The following TSN variants were observed in gnomAD, a reference collection of about 807,000 sequenced individuals.
TSN encodes component 3 of promoter of RISC.
A neutral mutation model predicts 29.4 loss-of-function variants in TSN; 5 were observed. The observed-to-expected ratio is 0.17, with a 90% CI of 0.09 to 0.36. The LOEUF (loss-of-function observed/expected upper bound fraction) is 0.36. Among genes scored for constraint, TSN ranks in the 10% least tolerant of loss-of-function variants. TSN has a pLI of 1.00. For synonymous variants in TSN, 106 were observed against 102.2 expected (o/e 1.04, Z -0.23); for missense variants, 159 against 272.8 (o/e 0.58, Z 2.94).
In TSN at chr2:121,765,131, C is replaced by T; in HGVS notation, c.454-3C>T. ...AGCCCCTGTTTTCTCTTTCCTGGTA[C>T]AGTCGAGGCTGTCTGTCAACAGCGT... On this transcript the variant is annotated splice_polypyrimidine_tract_variant and splice_region_variant and intron_variant, in intron 5 of 5. Transcript: ENST00000389682. 8 of 1,613,926 alleles carry T rather than the reference C, an allele frequency of 5.0e-6. No homozygotes were observed. Among genetic ancestry groups the T allele is most frequent in the Non-Finnish European group, 5.1e-6 (6 of 1,179,832 alleles).
Position 121,757,315 on chromosome 2 carries a change from G to C in TSN, c.142G>C (p.Gly48Arg), listed in dbSNP as rs1259996891. 1.2e-5 allele frequency: 20 copies of C among 1,613,994 alleles called. No homozygotes were observed. Among genetic ancestry groups the C allele is most frequent in the Non-Finnish European group, 1.6e-5 (19 of 1,180,010 alleles). ...ILTLLQGVHQ[G>R]AGFQDIPKRC... ...AACTCTACTGCAAGGGGTCCATCAGGGTGCTGGGTTTCAGGACAGTAAGTT... is the reference window on the plus strand; with the variant it reads ...AACTCTACTGCAAGGGGTCCATCAGCGTGCTGGGTTTCAGGACAGTAAGTT... The change falls in exon 2 of 6, where the codon GGT becomes CGT. Residue 48 changes from glycine to arginine, a missense_variant. Coordinates refer to ENST00000389682, the MANE Select transcript of TSN (RefSeq NM_004622.3).
At chr2:121,760,724 G>A (rs1401407740) in intron 3 of TSN, among the ~76,000 whole-genome samples, 2 of 152,116 alleles carry the variant, frequency 1.3e-5, no homozygotes, top group East Asian at 1.9e-4. Flanking sequence ...GGAGGAATAC[G>A]TTGAGGATGA....
chr2:121,761,818 A>G (rs187244052), intron 4 of TSN, among the ~76,000 whole-genome samples: 1 of 144,256 alleles, frequency 6.9e-6, no homozygotes, highest in East Asian at 2.0e-4. Flanking sequence ...TATAAGTGCT[A>G]TGTAAATATT....
At position 121,765,341 on chromosome 2, in the gene TSN, A is replaced by G. The variant is rs771314729; in HGVS notation, c.661A>G (p.Thr221Ala). 10 of 1,614,160 alleles carry G rather than the reference A, an allele frequency of 6.2e-6. No individual in the cohort carries two copies. Among genetic ancestry groups the G allele is most frequent in the Middle Eastern group, 1.6e-4 (1 of 6,062 alleles). The change falls in exon 6 of 6, where the codon ACG (threonine) becomes GCG (alanine). Residue 221 changes from threonine (T) to alanine (A), a missense_variant. This residue lies in a region of TSN where 85 missense variants were observed against 178.1 expected (regional missense o/e 0.48). Transcript: ENST00000389682. ...DLSIRGFNKE[T>A]AAACVEK ...CTCCATCCGGGGCTTTAATAAGGAG[A>G]CGGCAGCAGCTTGTGTTGAAAAATA...
rs993034196 is a variant in TSN, at chr2:121,755,773, C to G, written c.-7C>G. 3.7e-6 allele frequency: 6 copies of G among 1,613,664 alleles called. No individual in the cohort carries two copies. Among genetic ancestry groups the G allele is most frequent in the Non-Finnish European group, 4.2e-6 (5 of 1,180,036 alleles). ...CTACACTGGCTGATTGTTGTGCAGCCGGCGCCATGTCTGTGAGCGAGATCT... is the reference window on the plus strand; with the variant it reads ...CTACACTGGCTGATTGTTGTGCAGCGGGCGCCATGTCTGTGAGCGAGATCT... On this transcript the variant is annotated 5_prime_UTR_variant, in exon 1 of 6. Transcript: ENST00000389682.
chr2:121,763,366 C>A (rs1048068907), intron 5 of TSN, among the ~76,000 whole-genome samples: 1 of 151,962 alleles, frequency 6.6e-6, no homozygotes, highest in Non-Finnish European at 1.5e-5. Context: ...AGGATGGTCT[C>A]GATCTCCTGA....
chr2:121,759,862 G>A (rs1395680989), intron 3 of TSN, among the ~76,000 whole-genome samples: 3 of 152,290 alleles, frequency 2.0e-5, no homozygotes, highest in Non-Finnish European at 2.9e-5. Context: ...GCCTCTGGGA[G>A]CTAAGAATTG....
intron 5 of TSN, 84 bp from the exon 6 acceptor site, chr2:121,765,050 G>A: frequency 7.6e-7 from 1 of 1,323,084 alleles, no homozygotes; most frequent in Non-Finnish European, 1.1e-6. Context: ...TAGGCTTGCG[G>A]TTCTTCTGGT....
Position 121,758,824 on chromosome 2 carries a change from C to T in TSN, c.257+18C>T, listed in dbSNP as rs2074782968. On this transcript the variant is annotated intron_variant, in intron 3 of 5. Transcript: ENST00000389682. ...TATTACAGGTTTGTAAGAAAAATAG[C>T]ATTATTTTATAATGTTAAGTAAAAA... 6.8e-7 allele frequency: 1 copy of T among 1,463,904 alleles called. No individual in the cohort carries two copies. Among genetic ancestry groups the T allele is most frequent in the Non-Finnish European group, 9.2e-7 (1 of 1,092,840 alleles). The allele number at this position is 1,463,904 out of a possible 1,614,324, so 90.7% of individuals were successfully genotyped here.
Position 121,766,151 on chromosome 2 carries a change from A to G in TSN, c.*784A>G, listed in dbSNP as rs939149137. The G allele has an allele frequency of 1.3e-5, 2 of 152,254 alleles. No individual in the cohort carries two copies. Among genetic ancestry groups the G allele is most frequent in the South Asian group, 2.1e-4 (1 of 4,832 alleles). 9.4% of individuals were successfully genotyped at this position (152,254 alleles called of 1,614,324 possible). On this transcript the variant is annotated 3_prime_UTR_variant, in exon 6 of 6. Transcript: ENST00000389682. ...ATTTGGAACTAACACGTGATGTGAT[A>G]TATTCCTAAACTATGAAACCTTTTT... is the stretch of plus-strand genomic sequence containing the variant.
intron 3 of TSN, 80 bp from the exon 4 acceptor site, chr2:121,761,329 C>T (rs1371771305): frequency 1.1e-6 from 1 of 909,506 alleles, no homozygotes; most frequent in Non-Finnish European, 1.8e-6. Flanking sequence ...CATTTCTAAA[C>T]CGTTTGAACA....
intron 5 of TSN, among the ~76,000 whole-genome samples, chr2:121,763,511 G>T (rs185858773): frequency 2.0e-5 from 3 of 152,002 alleles, no homozygotes; most frequent in South Asian, 4.1e-4. Flanking sequence ...GCCATCTCTC[G>T]GTCACCAGGT....
At chr2:121,757,427 G>T in intron 2 of TSN, 94 bp downstream of exon 2, 1 of 1,577,698 alleles carries the variant, frequency 6.3e-7, no homozygotes, top group Non-Finnish European at 8.6e-7. Context: ...TGGCTATCAT[G>T]CTTTATGGTG....
At chr2:121,756,701 T>C in intron 1 of TSN, 1 of 1,140,434 alleles carries the variant, frequency 8.8e-7, no homozygotes, top group Non-Finnish European at 1.2e-6. Context: ...GGTAAGGAGT[T>C]TGAGACCAGC....
chr2:121,765,354 G>A lies in TSN; in HGVS notation c.674G>A (p.Cys225Tyr), dbSNP rs1335620263. ...TTTAATAAGGAGACGGCAGCAGCTT[G>A]TGTTGAAAAATAGGAGGCTCTCCTT... ...RGFNKETAAACVEK is the reference protein window; with the variant it reads ...RGFNKETAAAYVEK The change falls in exon 6 of 6, where the codon TGT (cysteine) becomes TAT (tyrosine). Residue 225 changes from cysteine (C) to tyrosine (Y), a missense_variant. Physicochemically the swap from Cys to Tyr is radical, Grantham distance 194 (BLOSUM62 -2). Around this residue, in one of 3 missense-constraint regions of TSN, gnomAD observed 85 missense variants for 178.1 expected, o/e 0.48. Transcript: ENST00000389682. 30 of 1,614,152 alleles carry A rather than the reference G, an allele frequency of 1.9e-5. No individual in the cohort carries two copies. In the South Asian group the frequency reaches 2.3e-4, roughly 12 times the overall value.
At chr2:121,757,531 C>A (rs2074767663) in intron 2 of TSN, 198 bp downstream of exon 2, 2 of 1,036,120 alleles carry the variant, frequency 1.9e-6, no homozygotes, top group East Asian at 2.7e-5. Flanking sequence ...TTTTCTATTG[C>A]GAGGGCATTC....
chr2:121,763,150 T>G lies in TSN; in HGVS notation c.453+66T>G, dbSNP rs1428471243. 4.5e-6 allele frequency: 6 copies of G among 1,332,130 alleles called. No individual in the cohort carries two copies. The African/African-American group carries it at 6.2e-5, about 14-fold the overall frequency. The allele number at this position is 1,332,130 out of a possible 1,614,324, so 82.5% of individuals were successfully genotyped here. A position where few individuals can be genotyped will look rare whatever the true frequency, so the allele number is the denominator to read the frequency against. On this transcript the variant is annotated intron_variant, in intron 5 of 5. Transcript: ENST00000389682. ...GCTTCACTGTCAGTTTTTTTTTTTT[T>G]TTTTTTTTTTGAGACAGAGTCCCGC...
At chr2:121,757,823 CT>C (rs777022278) in intron 2 of TSN, among the ~76,000 whole-genome samples, 294 of 142,810 alleles carry the variant, frequency 2.1e-3, no homozygotes, top group Middle Eastern at 3.6e-3. Context: ...CGCCCAGCTA[CT>C]TTTTTTTTTT....
At position 121,765,436 on chromosome 2, in the gene TSN, C is replaced by G; in HGVS notation, c.*69C>G. On this transcript the variant is annotated 3_prime_UTR_variant, in exon 6 of 6. Transcript: ENST00000389682. ...AGGAAGGGGTGAGCACAGAGTGCCT[C>G]TTACGGTAGTTAGGATGCTCAGTTG... 7.0e-7 allele frequency: 1 copy of G among 1,418,596 alleles called. No individual in the cohort carries two copies. The highest frequency in any genetic ancestry group is 1.8e-5 in the Admixed American group (1 of 55,952). The allele number at this position is 1,418,596 out of a possible 1,614,324, so 87.9% of individuals were successfully genotyped here.
Sources: gnomAD v4.1 joint callset for allele counts (sites outside exome capture counted in the v4.1 genomes callset) on GRCh38, gnomAD v4.1.1 for gene constraint, gnomAD v4.1.1 regional missense constraint, MANE v1.5 for transcripts, NCBI Gene and HGNC (gene_info 2026-07-23, HGNC 2026-07-21) for gene names.